MAD1L1: variants seen among roughly 807,000 people sequenced by gnomAD.
MAD1L1 encodes the protein mitotic arrest deficient 1 like 1.
Under a neutral mutation model 96.9 loss-of-function variants are expected in MAD1L1, and 95 were observed. The observed-to-expected ratio is 0.98, with a 90% CI of 0.83 to 1.16. MAD1L1 has a LOEUF of 1.16. Among genes scored for constraint, MAD1L1 ranks in the 50% most tolerant of loss-of-function variants. The pLI is 0.00. For synonymous variants in MAD1L1, 473 were observed against 396.6 expected, an observed-to-expected ratio of 1.19 and a Z score of -2.29; for missense variants, 1,007 against 954.4, an observed-to-expected ratio of 1.06 and a Z score of -0.73.
chr7:1,843,612 G>C (rs898469394), intron 18 of MAD1L1, among the ~76,000 whole-genome samples: 3 of 152,208 alleles, frequency 2.0e-5, no homozygotes, highest in Non-Finnish European at 4.4e-5. Flanking sequence ...CATTGCCAAA[G>C]TGCGTGCTTC....
chr7:2,032,420 G>C (rs1308657243), intron 12 of MAD1L1, among the ~76,000 whole-genome samples: 1 of 152,232 alleles, frequency 6.6e-6, no homozygotes, highest in Admixed American at 6.5e-5. Flanking sequence ...GGCTCTAATA[G>C]CTACCTAAAG....
intron 12 of MAD1L1, among the ~76,000 whole-genome samples, chr7:2,057,732 C>T (rs548624756): frequency 7.6e-4 from 116 of 152,220 alleles, no homozygotes; most frequent in African/African-American, 2.7e-3. Flanking sequence ...AAAAACAACC[C>T]GCATCAAAAT....
chr7:1,841,627 G>C (rs965328213), intron 18 of MAD1L1, among the ~76,000 whole-genome samples: 2 of 152,222 alleles, frequency 1.3e-5, no homozygotes, highest in Non-Finnish European at 2.9e-5. Flanking sequence ...CCTGAAGCTG[G>C]ACGAGCCCAC....
rs768311068 is a variant in MAD1L1 at position 1,980,542 on chromosome 7, C to A, written c.1417-1G>T. ...TCAGCATCTTCAGCTCCATCTCCAG[C>A]TAGGAGAAAGCAAAGGATAGAGGGT... On this transcript the variant is annotated splice_acceptor_variant, in intron 14 of 18. Coordinates refer to ENST00000265854, the MANE Select transcript of MAD1L1 (RefSeq NM_001013836.2). LOFTEE classifies it high-confidence loss of function. 6.2e-7 allele frequency: 1 copy of A among 1,610,584 alleles called. No individual in the cohort carries two copies. The highest frequency in any genetic ancestry group is 8.5e-7 in the Non-Finnish European group (1 of 1,178,456).
intron 15 of MAD1L1, among the ~76,000 whole-genome samples, chr7:1,979,578 G>C (rs779061330): frequency 3.9e-5 from 6 of 152,256 alleles, no homozygotes; most frequent in Non-Finnish European, 7.3e-5. Flanking sequence ...TGAGGACCCT[G>C]ATGGGTCCAC....
At chr7:1,852,877 G>A (rs1172860329) in intron 18 of MAD1L1, among the ~76,000 whole-genome samples, 1 of 152,192 alleles carries the variant, frequency 6.6e-6, no homozygotes, top group African/African-American at 2.4e-5. Context: ...GAGCCTGGAA[G>A]GGGCGCCTCC....
intron 11 of MAD1L1, among the ~76,000 whole-genome samples, chr7:2,082,728 G>A (rs886901189): frequency 2.6e-5 from 4 of 152,216 alleles, no homozygotes; most frequent in African/African-American, 4.8e-5. Context: ...GGAATCACCC[G>A]ATAGCCCAAT....
At chr7:2,075,136 C>T (rs1042757625) in intron 11 of MAD1L1, among the ~76,000 whole-genome samples, 1 of 152,150 alleles carries the variant, frequency 6.6e-6, no homozygotes, top group Admixed American at 6.5e-5. Context: ...CCAGCAGAGG[C>T]AGCCCTGTCC....
intron 11 of MAD1L1, among the ~76,000 whole-genome samples, chr7:2,128,607 G>A (rs967282318): frequency 2.0e-5 from 3 of 152,252 alleles, no homozygotes; most frequent in Non-Finnish European, 4.4e-5. Flanking sequence ...GTGTAACATG[G>A]AAGGATGAGC....
At chr7:1,964,039 AG>A (rs1467534574) in intron 15 of MAD1L1, among the ~76,000 whole-genome samples, 3 of 152,152 alleles carry the variant, frequency 2.0e-5, no homozygotes, top group Non-Finnish European at 1.5e-5. Flanking sequence ...GCCTGAGTAA[AG>A]GGGAGACTGA....
At chr7:2,015,630 C>T (rs1008163099) in intron 12 of MAD1L1, among the ~76,000 whole-genome samples, 1 of 152,228 alleles carries the variant, frequency 6.6e-6, no homozygotes, top group African/African-American at 2.4e-5. Flanking sequence ...ACCACAGCCC[C>T]CGGACCCTTC....
At chr7:1,859,507 T>C (rs142103632) in intron 18 of MAD1L1, among the ~76,000 whole-genome samples, 1,921 of 152,334 alleles carry the variant, frequency 0.013, 37 homozygotes, top group African/African-American at 0.044. Context: ...GCATCCCACC[T>C]GGAAGCCCCA....
At chr7:2,155,718 G>C (rs1789800419) in intron 10 of MAD1L1, among the ~76,000 whole-genome samples, 1 of 152,178 alleles carries the variant, frequency 6.6e-6, no homozygotes, top group African/African-American at 2.4e-5. Flanking sequence ...TGGACACCTG[G>C]GCTGCTTTCA....
At position 2,219,373 on chromosome 7, in the gene MAD1L1, C is replaced by T. The variant is rs769762330; in HGVS notation, c.555G>A (p.Ser185=). ...GCTGCTCCTGCAGCTCCTGCTTCTC[C>T]GACTCCAGGCGCTTCACCCGCATCT... is the stretch of plus-strand genomic sequence containing the variant. The part of the protein sequence containing the change: ...DQEMRVKRLE[S]EKQELQEQLD... The change falls in exon 6 of 19, where the codon TCG becomes TCA. Residue 185 remains serine (S), a synonymous_variant. Coordinates refer to ENST00000265854, the MANE Select transcript of MAD1L1 (RefSeq NM_001013836.2). 21 of 1,604,198 alleles carry T rather than the reference C, an allele frequency of 1.3e-5. No individual in the cohort carries two copies. The highest frequency in any genetic ancestry group is 2.2e-5 in the South Asian group (2 of 89,314).
At chr7:1,926,033 GA>G (rs563159542) in intron 17 of MAD1L1, among the ~76,000 whole-genome samples, 2 of 147,628 alleles carry the variant, frequency 1.4e-5, no homozygotes, top group African/African-American at 5.0e-5. Flanking sequence ...AAAGAAAAAA[GA>G]AAAAAAAAGA....
intron 11 of MAD1L1, among the ~76,000 whole-genome samples, chr7:2,120,142 T>C (rs71525361): frequency 0.083 from 12,673 of 152,152 alleles, 659 homozygotes; most frequent in Middle Eastern, 0.13. Context: ...TAAGGCCACC[T>C]CCCCCTCTCT....
intron 17 of MAD1L1, among the ~76,000 whole-genome samples, chr7:1,918,921 G>A (rs958153120): frequency 9.9e-5 from 15 of 152,156 alleles, no homozygotes; most frequent in Admixed American, 7.2e-4. Flanking sequence ...TGCACAGGGT[G>A]AGAGCACGTG....
intron 10 of MAD1L1, among the ~76,000 whole-genome samples, chr7:2,196,967 C>T (rs908930007): frequency 6.6e-6 from 1 of 152,374 alleles, no homozygotes; most frequent in East Asian, 1.9e-4. Context: ...CCTGCCAAGG[C>T]GCCAGGTCCT....
intron 17 of MAD1L1, among the ~76,000 whole-genome samples, chr7:1,900,767 CA>C (rs34392325): frequency 0.058 from 8,774 of 152,254 alleles, 582 homozygotes; most frequent in African/African-American, 0.16. Flanking sequence ...GTAATAAATG[CA>C]AGCCTGACCT....
Sources: gnomAD v4.1 joint callset for allele counts (sites outside exome capture counted in the v4.1 genomes callset) on GRCh38, gnomAD v4.1.1 for gene constraint, MANE v1.5 for transcripts, NCBI Gene and HGNC (gene_info 2026-07-23, HGNC 2026-07-21) for gene names.